TRPC6: variants seen among roughly 807,000 people sequenced by gnomAD.
TRPC6 encodes the protein short transient receptor potential channel 6.
TRPC6 carries 55 observed loss-of-function variants against 90.7 expected under a neutral mutation model. The ratio of observed to expected loss-of-function variants is 0.61; its 90% CI spans 0.49 to 0.76. The LOEUF (loss-of-function observed/expected upper bound fraction) is 0.76. TRPC6 is among the 30% of genes least tolerant of loss of function. The pLI is 0.00. For synonymous variants in TRPC6, 393 were observed against 393.0 expected (o/e 1.00, Z 0.00); for missense variants, 989 against 1,122.7 (o/e 0.88, Z 1.70).
intron 1 of TRPC6, among the ~76,000 whole-genome samples, chr11:101,505,352 T>C (rs1195201539): frequency 1.3e-5 from 2 of 152,208 alleles, no homozygotes; most frequent in Admixed American, 6.5e-5. Flanking sequence ...GCAATCAGCA[T>C]ACTGCTTTGT....
intron 10 of TRPC6, among the ~76,000 whole-genome samples, chr11:101,461,559 C>A (rs1859005934): frequency 6.6e-6 from 1 of 152,148 alleles, no homozygotes; most frequent in South Asian, 2.1e-4. Flanking sequence ...GTGATAGAGA[C>A]CCTGTCTCAA....
Position 101,504,259 on chromosome 11 carries a change from G to A in TRPC6, c.710C>T (p.Thr237Ile). The A allele has an allele frequency of 6.2e-7, 1 of 1,613,734 alleles. No individual in the cohort carries two copies. Among genetic ancestry groups the A allele is most frequent in the South Asian group, 1.1e-5 (1 of 91,074 alleles). Residue 237 changes from threonine (T) to isoleucine (I), a missense_variant, in exon 2 of 13, where the codon ACC becomes ATC. By Grantham distance (89) the Thr-to-Ile change is moderately conservative (BLOSUM62 -1). This residue lies in a region of TRPC6 where 486 missense variants were observed against 591.9 expected (regional missense o/e 0.82). Coordinates refer to ENST00000344327, the MANE Select transcript of TRPC6 (RefSeq NM_004621.6). ...AATCCTAGCACCCTTCCGCAGGAGG[G>A]TATGCACAATTTCATATTCCTGGCA... ...AHCQEYEIVHTLLRKGARIER... is the reference protein window; with the variant it reads ...AHCQEYEIVHILLRKGARIER...
chr11:101,534,494 G>A (rs984165472), intron 1 of TRPC6, among the ~76,000 whole-genome samples: 5 of 151,928 alleles, frequency 3.3e-5, no homozygotes, highest in East Asian at 1.9e-4. Flanking sequence ...ATCATTTCAA[G>A]ATATAACAGT....
chr11:101,462,290 T>C (rs1435237627), intron 10 of TRPC6, among the ~76,000 whole-genome samples: 1 of 152,338 alleles, frequency 6.6e-6, no homozygotes, highest in South Asian at 2.1e-4. Flanking sequence ...GTCTAGGCTA[T>C]GTGGACTCTC....
intron 5 of TRPC6, among the ~76,000 whole-genome samples, chr11:101,479,653 A>C (rs1312992129): frequency 2.0e-5 from 3 of 152,194 alleles, no homozygotes; most frequent in Admixed American, 2.0e-4. Flanking sequence ...ATAAATACCA[A>C]TGTCAGAAAC....
chr11:101,495,591 AATTATTATTATT>A (rs199580955), intron 2 of TRPC6, among the ~76,000 whole-genome samples: 14,912 of 141,848 alleles, frequency 0.11, 864 homozygotes, highest in Admixed American at 0.14. Context: ...GATCAATGGT[AATTATTATTATT>A]ATTATTATTA....
Position 101,583,645 on chromosome 11 carries a change from G to A in TRPC6, c.-142C>T, listed in dbSNP as rs200221683. 20 of 931,872 alleles carry A rather than the reference G, an allele frequency of 2.1e-5. No individual in the cohort carries two copies. Among genetic ancestry groups the A allele is most frequent in the Non-Finnish European group, 2.8e-5 (19 of 677,674 alleles). The allele number at this position is 931,872 out of a possible 1,614,324, so 57.7% of individuals were successfully genotyped here. On this transcript the variant is annotated 5_prime_UTR_variant, in exon 1 of 13. Transcript: ENST00000344327. ...GTGCCCAGGGGACGACGGTGAAGCA[G>A]GGGGTGCAGACGCCCGCCGCAAGTG...
At chr11:101,467,570 T>G (rs1422831368) in intron 10 of TRPC6, among the ~76,000 whole-genome samples, 4 of 152,204 alleles carry the variant, frequency 2.6e-5, no homozygotes, top group African/African-American at 9.6e-5. Context: ...AGGCATGCAT[T>G]AGAATGGCAG....
At chr11:101,522,045 G>T (rs1860675227) in intron 1 of TRPC6, among the ~76,000 whole-genome samples, 1 of 152,178 alleles carries the variant, frequency 6.6e-6, no homozygotes, top group African/African-American at 2.4e-5. Context: ...GCTGAAATTA[G>T]TTAAGACTTG....
chr11:101,551,766 C>T (rs1861455550), intron 1 of TRPC6, among the ~76,000 whole-genome samples: 1 of 152,050 alleles, frequency 6.6e-6, no homozygotes, highest in African/African-American at 2.4e-5. Flanking sequence ...ACTATATTTT[C>T]AAGGACATCT....
intron 4 of TRPC6, among the ~76,000 whole-genome samples, chr11:101,488,520 G>A (rs1291454017): frequency 2.6e-5 from 4 of 152,060 alleles, no homozygotes; most frequent in African/African-American, 9.7e-5. Context: ...TTTTGCCAGA[G>A]GAGAAACAGA....
At chr11:101,557,376 A>G (rs540452457) in intron 1 of TRPC6, among the ~76,000 whole-genome samples, 11 of 152,270 alleles carry the variant, frequency 7.2e-5, no homozygotes, top group South Asian at 6.2e-4. Flanking sequence ...AATAAAAGTC[A>G]AATATGAGAA....
chr11:101,529,156 T>C (rs1465037954), intron 1 of TRPC6, among the ~76,000 whole-genome samples: 2 of 152,102 alleles, frequency 1.3e-5, no homozygotes, highest in Non-Finnish European at 2.9e-5. Flanking sequence ...ATCAAACAGT[T>C]CAGAAAAGCT....
chr11:101,559,107 G>T (rs995138316), intron 1 of TRPC6, among the ~76,000 whole-genome samples: 27 of 152,036 alleles, frequency 1.8e-4, no homozygotes, highest in African/African-American at 6.5e-4. Flanking sequence ...ATATTTGCAA[G>T]CCATATATAT....
intron 1 of TRPC6, among the ~76,000 whole-genome samples, chr11:101,567,047 G>T (rs1565248370): frequency 6.9e-6 from 1 of 144,818 alleles, no homozygotes; most frequent in Non-Finnish European, 1.5e-5. Context: ...TGGAAAGGGG[G>T]CTGAAGTCTG....
At chr11:101,486,836 G>A (rs975306995) in intron 4 of TRPC6, among the ~76,000 whole-genome samples, 6 of 152,094 alleles carry the variant, frequency 3.9e-5, no homozygotes, top group African/African-American at 1.4e-4. Context: ...AAAAAATCCT[G>A]TGGCCTGTAA....
intron 1 of TRPC6, among the ~76,000 whole-genome samples, chr11:101,535,780 T>C (rs1377000254): frequency 6.6e-6 from 1 of 151,478 alleles, no homozygotes; most frequent in East Asian, 1.9e-4. Context: ...CCTGGAAAAA[T>C]TTTAATAACA....
intron 1 of TRPC6, among the ~76,000 whole-genome samples, chr11:101,523,378 T>G (rs1419085828): frequency 6.6e-6 from 1 of 152,258 alleles, no homozygotes; most frequent in African/African-American, 2.4e-5. Context: ...CTTCAAGTTA[T>G]GCCATGGGCA....
chr11:101,547,455 T>C (rs1861333143), intron 1 of TRPC6, among the ~76,000 whole-genome samples: 1 of 152,122 alleles, frequency 6.6e-6, no homozygotes, highest in African/African-American at 2.4e-5. Context: ...CCAAGAACAT[T>C]TTGTAGGAAT....
Sources: gnomAD v4.1 joint callset for allele counts (sites outside exome capture counted in the v4.1 genomes callset) on GRCh38, gnomAD v4.1.1 for gene constraint, gnomAD v4.1.1 regional missense constraint, MANE v1.5 for transcripts, NCBI Gene and HGNC (gene_info 2026-07-23, HGNC 2026-07-21) for gene names.